The following FGD1 variants were observed in gnomAD, a reference collection of about 807,000 sequenced individuals.
FGD1 encodes the protein FYVE, RhoGEF and PH domain containing 1, also known as FYVE, RhoGEF and PH domain-containing protein 1.
In FGD1, 12 loss-of-function variants were observed where a neutral mutation model predicts 65.0. The observed-to-expected ratio is 0.18, with a 90% confidence interval of 0.12 to 0.30. The LOEUF (loss-of-function observed/expected upper bound fraction) is 0.30, where lower values mean the gene tolerates loss of function less well. Ranked by LOEUF, FGD1 falls within the 10% of genes least tolerant of loss-of-function variation. The pLI, the probability that FGD1 is intolerant of heterozygous loss-of-function variation, is 1.00. For missense variants in FGD1, 542 were observed against 837.6 expected (o/e 0.65, Z 4.36); for synonymous variants, 333 against 343.9 (o/e 0.97, Z 0.35).
chrX:54,478,661 TG>T (rs1174280922), intron 1 of FGD1, among the ~76,000 whole-genome samples: 1 of 110,990 alleles, frequency 9.0e-6, no homozygotes, highest in African/African-American at 3.3e-5. Context: ...TTCCTTGGTT[TG>T]GGGGAGCCTA....
At chrX:54,480,215 T>A (rs1407725580) in intron 1 of FGD1, among the ~76,000 whole-genome samples, 1 of 112,285 alleles carries the variant, frequency 8.9e-6, no homozygotes, top group Non-Finnish European at 1.9e-5. Flanking sequence ...AGAAGGCCCT[T>A]CTGTAAAGGG....
At chrX:54,482,307 T>C (rs1198658746) in intron 1 of FGD1, among the ~76,000 whole-genome samples, 2 of 108,619 alleles carry the variant, frequency 1.8e-5, no homozygotes, top group African/African-American at 3.4e-5. Context: ...AAGCAGCCCA[T>C]CCCTCTTCCA....
chrX:54,494,402 CTTTTTTTTTTT>C (rs56235590), intron 1 of FGD1, among the ~76,000 whole-genome samples: 16 of 60,727 alleles, frequency 2.6e-4, no homozygotes, highest in South Asian at 1.0e-3. Context: ...CACCGTCTTT[CTTTTTTTTTTT>C]TTTTTTTTTT....
chrX:54,449,999 G>C (rs765315414), intron 13 of FGD1, among the ~76,000 whole-genome samples: 1 of 111,101 alleles, frequency 9.0e-6, no homozygotes, highest in Non-Finnish European at 1.9e-5. Flanking sequence ...GGCTTTCCTG[G>C]CCACCTTCTG....
At chrX:54,465,377 G>T in intron 8 of FGD1, 74 bp downstream of exon 8, 1 of 1,080,494 alleles carries the variant, frequency 9.3e-7, no homozygotes, top group Non-Finnish European at 1.2e-6. Flanking sequence ...TAAGTCTTGG[G>T]GTCCTGCCTC....
intron 1 of FGD1, among the ~76,000 whole-genome samples, chrX:54,492,016 T>C (rs920879438): frequency 2.1e-4 from 23 of 110,272 alleles, no homozygotes; most frequent in African/African-American, 7.6e-4. Context: ...TCCCTGCATC[T>C]GAAAGGACAT....
rs796491256 is a variant in FGD1 at position 54,482,236 on chromosome X, G to GCGCACACACACACACA, written c.308-10750_308-10749insTGTGTGTGTGTGTGCG. On this transcript the variant is annotated intron_variant, in intron 1 of 17. Transcript: ENST00000375135. ...CAGGCACATGCGCGCGCACACGCGC[G>GCGCACACACACACACA]CACACACACACACACACACACACAC... 3.0e-3 allele frequency among the ~76,000 whole-genome samples: 298 copies of GCGCACACACACACACA among 99,390 alleles called. 2 individuals are homozygous for GCGCACACACACACACA. The highest frequency in any genetic ancestry group is 0.01 in the African/African-American group (271 of 25,999). The allele number at this position is 99,390 out of a possible 115,157, so 86.3% of individuals were successfully genotyped here. A position where few individuals can be genotyped will look rare whatever the true frequency, so the allele number is the denominator to read the frequency against.
At position 54,473,755 on chromosome X, in the gene FGD1, C is replaced by T. The variant is rs1047592924; in HGVS notation, c.308-2268G>A. On this transcript the variant is annotated intron_variant, in intron 1 of 17. Coordinates refer to ENST00000375135, the MANE Select transcript of FGD1 (RefSeq NM_004463.3). ...ATCCCAGCACTTTGGGAGGCCAAGG[C>T]GGGCGGTTCACTTGAGGTCAGTAGT... 5.4e-5 allele frequency among the ~76,000 whole-genome samples: 6 copies of T among 111,547 alleles called. No homozygotes were observed. In the East Asian group the frequency reaches 1.1e-3, roughly 21 times the overall value.
At chrX:54,495,033 C>A in intron 1 of FGD1, 93 bp downstream of exon 1, 1 of 975,361 alleles carries the variant, frequency 1.0e-6, no homozygotes, top group Non-Finnish European at 1.4e-6. Context: ...GAGCCTGTTC[C>A]GAGGTGGGGC....
chrX:54,485,311 C>A (rs1923246242), intron 1 of FGD1, among the ~76,000 whole-genome samples: 2 of 111,385 alleles, frequency 1.8e-5, no homozygotes, highest in Non-Finnish European at 3.8e-5. Flanking sequence ...TCACTGGCCT[C>A]TCAGGATGCC....
chrX:54,455,827 T>C, intron 10 of FGD1, 43 bp from the exon 11 acceptor site: 3 of 1,037,262 alleles, frequency 2.9e-6, no homozygotes, highest in South Asian at 2.0e-5. Flanking sequence ...GAGGGCCTAG[T>C]GGGGATGTGG....
At chrX:54,473,759 C>T (rs1005135606) in intron 1 of FGD1, among the ~76,000 whole-genome samples, 5 of 111,328 alleles carry the variant, frequency 4.5e-5, no homozygotes, top group Non-Finnish European at 7.5e-5. Context: ...CCAAGGCGGG[C>T]GGTTCACTTG....
In FGD1 at chrX:54,455,470, G is replaced by A. The variant is rs1421947550; in HGVS notation, c.1993C>T (p.Arg665Cys). ...PRTFLVSGKQ[R>C]SLELQARTEE... ...TACCTGGCCTGGAGCTCGAGGGAGC[G>A]CTGCTTTCCTGACACCAGGAAGGTT... The change falls in exon 12 of 18, where the codon CGC becomes TGC. Residue 665 changes from arginine to cysteine, a missense_variant. Coordinates refer to ENST00000375135, the MANE Select transcript of FGD1 (RefSeq NM_004463.3). 2 of 1,210,381 alleles carry A rather than the reference G, an allele frequency of 1.7e-6. No individual in the cohort carries two copies. The highest frequency in any genetic ancestry group is 3.0e-5 in the East Asian group (1 of 33,828).
At chrX:54,466,904 C>G (rs1461939913) in intron 6 of FGD1, among the ~76,000 whole-genome samples, 1 of 109,407 alleles carries the variant, frequency 9.1e-6, no homozygotes, top group Non-Finnish European at 1.9e-5. Context: ...CGCCCGCCAC[C>G]ATGCCCGGCT....
At chrX:54,493,728 GTGTTAAGGGCC>G (rs1241698489) in intron 1 of FGD1, among the ~76,000 whole-genome samples, 2 of 112,265 alleles carry the variant, frequency 1.8e-5, no homozygotes, top group Non-Finnish European at 3.8e-5. Flanking sequence ...GCAGGCCAAG[GTGTTAAGGGCC>G]TGTTGCCAGC....
At chrX:54,460,714 C>G (rs1294004222) in intron 8 of FGD1, among the ~76,000 whole-genome samples, 2 of 111,583 alleles carry the variant, frequency 1.8e-5, no homozygotes, top group East Asian at 5.6e-4. Flanking sequence ...GCAGTCCAGC[C>G]TGGGCGACAG....
chrX:54,453,482 A>C (rs1922426544), intron 12 of FGD1, among the ~76,000 whole-genome samples: 1 of 112,134 alleles, frequency 8.9e-6, no homozygotes, highest in Non-Finnish European at 1.9e-5. Flanking sequence ...TGTGGACTCC[A>C]GGGCCGGATG....
chrX:54,493,429 G>A (rs1048828919), intron 1 of FGD1, among the ~76,000 whole-genome samples: 1 of 111,765 alleles, frequency 8.9e-6, no homozygotes, highest in Non-Finnish European at 1.9e-5. Flanking sequence ...ATTTCAGATT[G>A]TACTAAGTGC....
In FGD1 at chrX:54,481,425, C is replaced by G. The variant is rs4826598; in HGVS notation, c.308-9938G>C. On this transcript the variant is annotated intron_variant, in intron 1 of 17. Transcript: ENST00000375135. Reference sequence around the variant, plus strand: ...TCAACTGCTGAACACCCACTCTGGGCCAGGTGTTGTGTTGATGCTATCTCG... The same window carrying G: ...TCAACTGCTGAACACCCACTCTGGGGCAGGTGTTGTGTTGATGCTATCTCG... 3.0e-3 allele frequency among the ~76,000 whole-genome samples: 295 copies of G among 98,939 alleles called. 4 individuals are homozygous for G. The Admixed American group carries it at 0.031, about 10-fold the overall frequency. The allele number at this position is 98,939 out of a possible 115,157, so 85.9% of individuals were successfully genotyped here. A position where few individuals can be genotyped will look rare whatever the true frequency, so the allele number is the denominator to read the frequency against.
Sources: gnomAD v4.1 joint callset for allele counts (sites outside exome capture counted in the v4.1 genomes callset) on GRCh38, gnomAD v4.1.1 for gene constraint, MANE v1.5 for transcripts, NCBI Gene and HGNC (gene_info 2026-07-23, HGNC 2026-07-21) for gene names.